PBRM1: variants seen among roughly 807,000 people sequenced by gnomAD.
The protein encoded by PBRM1 is protein polybromo-1.
Under a neutral mutation model 194.5 loss-of-function variants are expected in PBRM1, and 27 were observed. The ratio of observed to expected loss-of-function variants is 0.14; its 90% CI spans 0.10 to 0.19. The LOEUF (loss-of-function observed/expected upper bound fraction) is 0.19, where lower values mean the gene tolerates loss of function less well. Ranked by LOEUF, PBRM1 falls within the 10% of genes least tolerant of loss-of-function variation. The probability of loss-of-function intolerance (pLI) is 1.00; values close to 1 mark genes in which losing one functional copy is unlikely to be tolerated. For synonymous variants in PBRM1, 655 were observed against 693.2 expected (o/e 0.94, Z 0.87); for missense variants, 1,466 against 2,077.2 (o/e 0.71, Z 5.72).
chr3:52,609,490 C>T lies in PBRM1; in HGVS notation c.2390G>A (p.Gly797Glu). 6.2e-7 allele frequency: 1 copy of T among 1,613,858 alleles called. No homozygotes were observed. The highest frequency in any genetic ancestry group is 8.5e-7 in the Non-Finnish European group (1 of 1,179,756). Residue 797 changes from glycine to glutamate, a missense_variant, in exon 16 of 30, where the codon GGA (glycine) becomes GAA (glutamate). By Grantham distance (98) the Gly-to-Glu change is moderately conservative. Coordinates refer to ENST00000296302, the Ensembl canonical transcript of PBRM1. The surrounding 1 kb of genome is among the most constrained non-coding windows in gnomAD (Gnocchi z 4.1). ...TGCTAAAGAATCGCTGTAGCATCTT[C>T]CCTCATCATCCTGATGACTCATGAC...
intron 15 of PBRM1, among the ~76,000 whole-genome samples, chr3:52,610,443 T>C (rs569258601): frequency 6.6e-6 from 1 of 152,336 alleles, no homozygotes; most frequent in Admixed American, 6.5e-5. Context: ...AAACAATGAC[T>C]ACCTCAGTAG....
chr3:52,649,248 C>A (rs755801494), intron 6 of PBRM1, among the ~76,000 whole-genome samples: 8 of 152,182 alleles, frequency 5.3e-5, no homozygotes, highest in Non-Finnish European at 8.8e-5. Context: ...GCACAGGCAT[C>A]GGGAGGGCTC....
At chr3:52,640,478 C>G (rs2096029703) in intron 10 of PBRM1, among the ~76,000 whole-genome samples, 1 of 152,026 alleles carries the variant, frequency 6.6e-6, no homozygotes, top group Non-Finnish European at 1.5e-5. Context: ...GCCATGTTGC[C>G]CAGGCTGGTC....
In PBRM1 at chr3:52,612,335, A is replaced by G. The variant is rs565078091; in HGVS notation, c.1925-2380T>C. 6.6e-5 allele frequency among the ~76,000 whole-genome samples: 10 copies of G among 151,168 alleles called. No individual in the cohort carries two copies. In the South Asian group the frequency reaches 1.9e-3, roughly 28 times the overall value. On this transcript the variant is annotated intron_variant, in intron 15 of 29. Coordinates refer to ENST00000296302, the Ensembl canonical transcript of PBRM1. The stretch of plus-strand genomic sequence containing the variant: ...ACTTTATCTGGATTCTACTTTAACC[A>G]GACACTGCCTCAAGACATGATACAA...
At chr3:52,678,428 T>C in intron 2 of PBRM1, 72 bp downstream of exon 3, 2 of 997,500 alleles carry the variant, frequency 2.0e-6, no homozygotes, top group South Asian at 2.8e-5. Flanking sequence ...AAAGCTCAAT[T>C]TCCAAACACT....
At chr3:52,637,435 C>T (rs1264452307) in intron 10 of PBRM1, among the ~76,000 whole-genome samples, 3 of 151,972 alleles carry the variant, frequency 2.0e-5, no homozygotes, top group African/African-American at 7.3e-5. Context: ...CGTTTGAGAC[C>T]AGTATGGGCA....
At chr3:52,577,397 T>C (rs11718420) in intron 21 of PBRM1, among the ~76,000 whole-genome samples, 60,391 of 142,442 alleles carry the variant, frequency 0.42, 12,762 homozygotes, top group Admixed American at 0.51. Flanking sequence ...TGCCACTGCA[T>C]TCCAGCCTAG....
At chr3:52,660,337 T>C (rs1473238525) in intron 4 of PBRM1, among the ~76,000 whole-genome samples, 1 of 152,116 alleles carries the variant, frequency 6.6e-6, no homozygotes, top group Admixed American at 6.6e-5. Context: ...GAAATTCCTA[T>C]TTTTAGCCTT....
chr3:52,595,211 T>C (rs948008854), intron 17 of PBRM1, among the ~76,000 whole-genome samples: 13 of 152,266 alleles, frequency 8.5e-5, no homozygotes, highest in Non-Finnish European at 1.8e-4. Flanking sequence ...TTTTTTTCAT[T>C]CTTTTATCCT....
chr3:52,626,113 G>T (rs2095439605), intron 13 of PBRM1, among the ~76,000 whole-genome samples: 1 of 152,144 alleles, frequency 6.6e-6, no homozygotes, highest in Non-Finnish European at 1.5e-5. Context: ...GAAAACACAG[G>T]TGATGCTGCA....
At chr3:52,644,204 T>C (rs1486465392) in intron 8 of PBRM1, among the ~76,000 whole-genome samples, 1 of 152,052 alleles carries the variant, frequency 6.6e-6, no homozygotes, top group African/African-American at 2.4e-5. Flanking sequence ...ATGTAAAGTT[T>C]TAAAAAATGT....
intron 17 of PBRM1, among the ~76,000 whole-genome samples, chr3:52,599,224 G>A (rs1281900459): frequency 6.6e-6 from 1 of 152,064 alleles, no homozygotes; most frequent in Non-Finnish European, 1.5e-5. Context: ...ATGGAGTACA[G>A]TGTGATATTT....
intron 12 of PBRM1, among the ~76,000 whole-genome samples, chr3:52,627,651 C>A (rs2095488094): frequency 6.6e-6 from 1 of 152,184 alleles, no homozygotes; most frequent in South Asian, 2.1e-4. Context: ...AGCACTGAGG[C>A]AAGCTGTAGA....
intron 5 of PBRM1, among the ~76,000 whole-genome samples, chr3:52,654,992 T>C (rs1318649690): frequency 1.3e-5 from 2 of 152,138 alleles, no homozygotes; most frequent in South Asian, 2.1e-4. Context: ...GAGTCTCAGC[T>C]ATGTTGGCCT....
chr3:52,587,235 G>T, intron 19 of PBRM1, 118 bp downstream of exon 21: 1 of 800,658 alleles, frequency 1.2e-6, no homozygotes, highest in East Asian at 2.5e-5. Flanking sequence ...ATATAGACAC[G>T]GCTTAAAAAA....
chr3:52,612,250 T>G (rs902800475), intron 15 of PBRM1, among the ~76,000 whole-genome samples: 3 of 48,464 alleles, frequency 6.2e-5, no homozygotes, highest in Non-Finnish European at 1.3e-4. Flanking sequence ...CAGAGCGAGA[T>G]TCCGTCTCAA....
intron 22 of PBRM1, 66 bp downstream of exon 24, chr3:52,576,475 C>A: frequency 7.8e-7 from 1 of 1,275,946 alleles, no homozygotes; most frequent in South Asian, 1.4e-5. Context: ...CAGTGCCCCA[C>A]AGAAGTAGTA....
At chr3:52,587,390 C>T in exon 19 of PBRM1, 2 of 1,610,330 alleles carry the variant, frequency 1.2e-6, no homozygotes. Flanking sequence ...TAGAATTTTA[C>T]TAACTGGAAC....
intron 21 of PBRM1, among the ~76,000 whole-genome samples, chr3:52,577,296 C>T (rs996390284): frequency 1.3e-5 from 2 of 151,864 alleles, no homozygotes; most frequent in Non-Finnish European, 2.9e-5. Context: ...CCAGCCCTGG[C>T]AGTGTGCACC....
Sources: gnomAD v4.1 joint callset for allele counts (sites outside exome capture counted in the v4.1 genomes callset) on GRCh38, gnomAD v4.1.1 for gene constraint, Gnocchi (gnomAD v3.1) non-coding constraint, MANE v1.5 for transcripts, NCBI Gene and HGNC (gene_info 2026-07-23, HGNC 2026-07-21) for gene names.